ETV6: variants seen among roughly 807,000 people sequenced by gnomAD.
ETV6 encodes ETS variant transcription factor 6, also known as transcription factor ETV6.
In ETV6, 16 loss-of-function variants were observed where a neutral mutation model predicts 51.1. That is an observed-to-expected ratio of 0.31 (90% CI 0.21 to 0.48). The LOEUF (loss-of-function observed/expected upper bound fraction) is 0.48, where lower values mean the gene tolerates loss of function less well. Among genes scored for constraint, ETV6 ranks in the 20% least tolerant of loss-of-function variants. ETV6 has a pLI of 0.99. For synonymous variants in ETV6, 240 were observed against 224.1 expected (o/e 1.07, Z -0.64); for missense variants, 458 against 594.8 (o/e 0.77, Z 2.39).
chr12:11,809,273 C>T (rs1443534033), intron 2 of ETV6, among the ~76,000 whole-genome samples: 3 of 149,294 alleles, frequency 2.0e-5, no homozygotes, highest in Non-Finnish European at 4.4e-5. Flanking sequence ...TACAATAAAA[C>T]GAGAAGGAAG....
intron 4 of ETV6, among the ~76,000 whole-genome samples, chr12:11,857,287 G>A (rs749716854): frequency 5.3e-5 from 8 of 152,180 alleles, no homozygotes; most frequent in African/African-American, 1.4e-4. Context: ...TAGTAGCCAC[G>A]TGGCAGTGCT....
chr12:11,750,271 T>C (rs184229891), intron 1 of ETV6, among the ~76,000 whole-genome samples: 9 of 152,324 alleles, frequency 5.9e-5, no homozygotes, highest in Admixed American at 1.3e-4. Flanking sequence ...TTACAGTATA[T>C]ACACTTTCAG....
chr12:11,785,349 A>C (rs1945470890), intron 2 of ETV6, among the ~76,000 whole-genome samples: 1 of 152,014 alleles, frequency 6.6e-6, no homozygotes, highest in South Asian at 2.1e-4. Context: ...AGTAAACCTC[A>C]CCCCTTCACT....
intron 2 of ETV6, among the ~76,000 whole-genome samples, chr12:11,822,250 A>C (rs1025674818): frequency 6.6e-6 from 1 of 152,212 alleles, no homozygotes; most frequent in African/African-American, 2.4e-5. Context: ...AGTGCTCAGC[A>C]GTTAGACCCA....
At chr12:11,838,421 C>G (rs188145693) in intron 2 of ETV6, among the ~76,000 whole-genome samples, 1 of 152,170 alleles carries the variant, frequency 6.6e-6, no homozygotes, top group Admixed American at 6.5e-5. Context: ...CTGCTCTGTA[C>G]CCCCCTCCTG....
intron 2 of ETV6, 67 bp from the exon 3 acceptor site, chr12:11,839,072 CT>C: frequency 1.3e-6 from 2 of 1,521,426 alleles, no homozygotes; most frequent in Non-Finnish European, 1.8e-6. Flanking sequence ...GACCTTCTCC[CT>C]TTATTCCAGC....
intron 1 of ETV6, among the ~76,000 whole-genome samples, chr12:11,681,194 T>C (rs1226465702): frequency 6.6e-6 from 1 of 152,220 alleles, no homozygotes; most frequent in African/African-American, 2.4e-5. Context: ...TCCATTGCAA[T>C]TGGAACAGTA....
intron 1 of ETV6, among the ~76,000 whole-genome samples, chr12:11,725,922 T>G (rs1023647312): frequency 2.6e-5 from 4 of 152,184 alleles, no homozygotes. Flanking sequence ...CCTGTAGAAC[T>G]GTAAGCCAAA....
intron 2 of ETV6, among the ~76,000 whole-genome samples, chr12:11,790,481 T>C (rs1251765727): frequency 6.6e-6 from 1 of 152,068 alleles, no homozygotes; most frequent in Non-Finnish European, 1.5e-5. Flanking sequence ...CTTTGGCTGC[T>C]TAGATTCCCA....
intron 5 of ETV6, among the ~76,000 whole-genome samples, chr12:11,873,745 G>A (rs1946920239): frequency 8.9e-6 from 1 of 112,938 alleles, no homozygotes; most frequent in South Asian, 2.7e-4. Context: ...GGTGGGGACA[G>A]CCTCAGAGAG....
chr12:11,718,958 TTCTC>T (rs1174219886), intron 1 of ETV6, among the ~76,000 whole-genome samples: 1 of 152,218 alleles, frequency 6.6e-6, no homozygotes, highest in Non-Finnish European at 1.5e-5. Flanking sequence ...AGAGTCTGGG[TTCTC>T]TCTCTCCTGA....
At chr12:11,784,551 A>G (rs1591670980) in intron 2 of ETV6, among the ~76,000 whole-genome samples, 2 of 152,204 alleles carry the variant, frequency 1.3e-5, no homozygotes, top group Middle Eastern at 3.2e-3. Flanking sequence ...AAACAACAAT[A>G]AAGACCTTGA....
At chr12:11,784,160 T>G (rs1231925793) in intron 2 of ETV6, among the ~76,000 whole-genome samples, 1 of 152,238 alleles carries the variant, frequency 6.6e-6, no homozygotes, top group African/African-American at 2.4e-5. Context: ...CCAGGCACAG[T>G]GGCTCATGCC....
At chr12:11,695,462 G>T (rs960738204) in intron 1 of ETV6, among the ~76,000 whole-genome samples, 3 of 152,216 alleles carry the variant, frequency 2.0e-5, no homozygotes, top group Admixed American at 2.0e-4. Context: ...GGGTCCTCCA[G>T]CTGAAGTGAG....
At chr12:11,884,881 T>C (rs1330931012) in intron 6 of ETV6, among the ~76,000 whole-genome samples, 1 of 152,164 alleles carries the variant, frequency 6.6e-6, no homozygotes, top group Non-Finnish European at 1.5e-5. Flanking sequence ...CCACCTCCAC[T>C]GTTGTTAGGA....
intron 2 of ETV6, among the ~76,000 whole-genome samples, chr12:11,799,800 C>T (rs565387287): frequency 1.3e-5 from 2 of 152,046 alleles, no homozygotes; most frequent in African/African-American, 4.8e-5. Context: ...TTGAGACAAC[C>T]TATTGCCTAG....
chr12:11,790,840 G>C (rs1323077727), intron 2 of ETV6, among the ~76,000 whole-genome samples: 1 of 151,920 alleles, frequency 6.6e-6, no homozygotes, highest in African/African-American at 2.4e-5. Context: ...ACCACACCCG[G>C]CTAATTTTTG....
At chr12:11,768,087 T>C (rs1157660246) in intron 2 of ETV6, among the ~76,000 whole-genome samples, 1 of 152,172 alleles carries the variant, frequency 6.6e-6, no homozygotes, top group Non-Finnish European at 1.5e-5. Flanking sequence ...TTGGCTTCCA[T>C]GGTACAGTCC....
chr12:11,732,558 A>G (rs142518581), intron 1 of ETV6, among the ~76,000 whole-genome samples: 2 of 152,090 alleles, frequency 1.3e-5, no homozygotes, highest in Admixed American at 6.5e-5. Context: ...CGACTTGGGG[A>G]GTTTCCCCCC....
Sources: allele counts gnomAD v4.1 joint callset (sites outside exome capture counted in the v4.1 genomes callset), GRCh38; gene constraint gnomAD v4.1.1; transcripts MANE v1.5; gene names NCBI Gene and HGNC (gene_info 2026-07-23, HGNC 2026-07-21).